Variants in AAK1 observed in about 807,000 individuals in gnomAD.
The protein encoded by AAK1 is AP2 associated kinase 1, also known as AP2-associated protein kinase 1.
A neutral mutation model predicts 116.0 loss-of-function variants in AAK1; 37 were observed. That is an observed-to-expected ratio of 0.32 (90% CI 0.25 to 0.42). AAK1 has a LOEUF of 0.42. Ranked by LOEUF, AAK1 falls within the 10% of genes least tolerant of loss-of-function variation. The pLI, the probability that AAK1 is intolerant of heterozygous loss-of-function variation, is 1.00. For missense variants in AAK1, 919 were observed against 1,170.6 expected (o/e 0.79, Z 3.14); for synonymous variants, 458 against 439.9 (o/e 1.04, Z -0.51).
intron 2 of AAK1, among the ~76,000 whole-genome samples, chr2:69,622,604 A>G (rs189273060): frequency 6.6e-6 from 1 of 152,252 alleles, no homozygotes; most frequent in Non-Finnish European, 1.5e-5. Flanking sequence ...AAACACACCA[A>G]TCAGCACCTT....
chr2:69,603,254 A>C (rs1476017084), intron 2 of AAK1, among the ~76,000 whole-genome samples: 3 of 152,302 alleles, frequency 2.0e-5, no homozygotes, highest in Middle Eastern at 6.8e-3. Context: ...AAAAATTTCC[A>C]AGTAAGGCAA....
Position 69,473,744 on chromosome 2 carries a change from T to C in AAK1, c.*2125A>G, listed in dbSNP as rs1674756750. On this transcript the variant is annotated 3_prime_UTR_variant, in exon 22 of 22. Transcript: ENST00000409085. ...TTCTAACATGTATATACGAAAAAAA[T>C]CAAATATGAAAACATAGAACTCAAA... is the stretch of plus-strand genomic sequence containing the variant. 1.0e-6 allele frequency: 1 copy of C among 973,900 alleles called. No homozygotes were observed. The highest frequency in any genetic ancestry group is 1.2e-6 in the Non-Finnish European group (1 of 819,196). 60.3% of individuals were successfully genotyped at this position (973,900 alleles called of 1,614,324 possible).
intron 18 of AAK1, chr2:69,482,468 C>A: frequency 1.6e-6 from 1 of 613,240 alleles, no homozygotes; most frequent in Non-Finnish European, 3.0e-6. Context: ...TTTCCACATT[C>A]CTCCTCATTC....
chr2:69,565,283 CTTT>C (rs1181725341), intron 2 of AAK1, among the ~76,000 whole-genome samples: 2 of 152,234 alleles, frequency 1.3e-5, no homozygotes, highest in Admixed American at 1.3e-4. Flanking sequence ...ACAGCTGGAT[CTTT>C]AGGTGAGAGC....
rs149213163 is a variant in AAK1, at chr2:69,519,337, T to C, written c.1211-97A>G. 18 of 1,431,778 alleles carry C rather than the reference T, an allele frequency of 1.3e-5. No individual in the cohort carries two copies. In the East Asian group the frequency reaches 4.5e-4, roughly 36 times the overall value. The allele number at this position is 1,431,778 out of a possible 1,614,324, so 88.7% of individuals were successfully genotyped here. On this transcript the variant is annotated intron_variant, in intron 11 of 21. Transcript: ENST00000409085. ...AACAACTAATAGGGGGTGACAAGTGTGCAGAGTATCTCAAGATTCGTGTCC... is the reference window on the plus strand; with the variant it reads ...AACAACTAATAGGGGGTGACAAGTGCGCAGAGTATCTCAAGATTCGTGTCC...
chr2:69,614,796 A>AG (rs1162855364), intron 2 of AAK1, among the ~76,000 whole-genome samples: 2 of 152,224 alleles, frequency 1.3e-5, no homozygotes, highest in African/African-American at 4.8e-5. Context: ...AGAGACACTC[A>AG]GAGGAGAGAC....
chr2:69,621,869 G>A (rs185880970), intron 2 of AAK1, among the ~76,000 whole-genome samples: 50 of 152,276 alleles, frequency 3.3e-4, no homozygotes, highest in African/African-American at 1.0e-3. Flanking sequence ...CTCCAACTCC[G>A]AATCCAACCG....
chr2:69,502,295 T>C (rs1285065524), intron 16 of AAK1, among the ~76,000 whole-genome samples: 1 of 151,984 alleles, frequency 6.6e-6, no homozygotes, highest in Non-Finnish European at 1.5e-5. Context: ...ACACAAACAA[T>C]ACAATCTCAA....
intron 5 of AAK1, among the ~76,000 whole-genome samples, chr2:69,540,350 A>T (rs1156967171): frequency 2.0e-5 from 3 of 152,072 alleles, no homozygotes; most frequent in Non-Finnish European, 2.9e-5. Flanking sequence ...CGAACTCCTG[A>T]CCACAGGTGA....
Position 69,532,955 on chromosome 2 carries a change from A to G in AAK1, c.535-793T>C, listed in dbSNP as rs115193165. On this transcript the variant is annotated intron_variant, in intron 5 of 21. Coordinates refer to ENST00000409085, the MANE Select transcript of AAK1 (RefSeq NM_014911.5). ...ACTCTACAAATGAAATGACAACTCCAAAATAGTGGGCACTATGTACTCAAG... is the reference window on the plus strand; with the variant it reads ...ACTCTACAAATGAAATGACAACTCCGAAATAGTGGGCACTATGTACTCAAG... Among the ~76,000 whole-genome samples, 324 of 152,348 alleles carry G rather than the reference A, an allele frequency of 2.1e-3. 2 individuals carry two copies. Among genetic ancestry groups the G allele is most frequent in the African/African-American group, 7.2e-3 (300 of 41,580 alleles).
Position 69,643,218 on chromosome 2 carries a change from G to A in AAK1, c.-178C>T. 7.1e-7 allele frequency: 1 copy of A among 1,411,924 alleles called. No homozygotes were observed. The highest frequency in any genetic ancestry group is 2.6e-5 in the East Asian group (1 of 38,334). 87.5% of individuals were successfully genotyped at this position (1,411,924 alleles called of 1,614,324 possible). On this transcript the variant is annotated 5_prime_UTR_variant, in exon 2 of 22. Transcript: ENST00000409085. ...GGAGGATGCCTATAGGAATATGCGT[G>A]TCAATCGCGCAGCGGGTCCCCTCCT...
intron 3 of AAK1, among the ~76,000 whole-genome samples, chr2:69,555,531 C>G (rs1416124595): frequency 1.3e-5 from 2 of 152,194 alleles, no homozygotes; most frequent in Admixed American, 6.5e-5. Context: ...TGTTGGATCC[C>G]TTTCTGCTCT....
chr2:69,638,494 A>G (rs1675548704), intron 2 of AAK1, among the ~76,000 whole-genome samples: 1 of 152,168 alleles, frequency 6.6e-6, no homozygotes, highest in Admixed American at 6.5e-5. Context: ...GTCTTTCAAA[A>G]GGCCCAGGGC....
chr2:69,534,161 T>C (rs1334147845), intron 5 of AAK1, among the ~76,000 whole-genome samples: 2 of 152,244 alleles, frequency 1.3e-5, no homozygotes, highest in Non-Finnish European at 2.9e-5. Flanking sequence ...ATAATCCCAA[T>C]ATGATTATTA....
chr2:69,501,958 G>A (rs1032810979), intron 16 of AAK1, among the ~76,000 whole-genome samples: 23 of 151,834 alleles, frequency 1.5e-4, no homozygotes, highest in African/African-American at 2.4e-4. Flanking sequence ...GCAACAGAGC[G>A]AGACACCATC....
At chr2:69,509,914 C>A (rs908528136) in intron 13 of AAK1, among the ~76,000 whole-genome samples, 1 of 152,172 alleles carries the variant, frequency 6.6e-6, no homozygotes, top group African/African-American at 2.4e-5. Context: ...GTATCTCCAG[C>A]GAAACACATT....
chr2:69,569,298 G>A (rs1429158962), intron 2 of AAK1, among the ~76,000 whole-genome samples: 1 of 152,124 alleles, frequency 6.6e-6, no homozygotes, highest in Non-Finnish European at 1.5e-5. Context: ...CCCACCACTT[G>A]TAGAATCTAC....
intron 3 of AAK1, among the ~76,000 whole-genome samples, chr2:69,547,103 C>G (rs1421766005): frequency 1.3e-5 from 2 of 152,156 alleles, no homozygotes; most frequent in African/African-American, 4.8e-5. Context: ...TTATTTGGAT[C>G]CCTACCTCAC....
intron 4 of AAK1, 85 bp downstream of exon 4, chr2:69,544,351 G>T: frequency 9.9e-7 from 1 of 1,007,796 alleles, no homozygotes; most frequent in Non-Finnish European, 1.5e-6. Flanking sequence ...AGAGTGCAGT[G>T]CACATTAAGT....
Sources: allele counts gnomAD v4.1 joint callset (sites outside exome capture counted in the v4.1 genomes callset), GRCh38; gene constraint gnomAD v4.1.1; transcripts MANE v1.5; gene names NCBI Gene and HGNC (gene_info 2026-07-23, HGNC 2026-07-21).